The following DST variants were observed in gnomAD, a reference collection of about 807,000 sequenced individuals.
DST encodes the protein dystonin, also known as bullous pemphigoid antigen.
In DST, 253 loss-of-function variants were observed where a neutral mutation model predicts 875.2. The ratio of observed to expected loss-of-function variants is 0.29; its 90% CI spans 0.26 to 0.32. The LOEUF (loss-of-function observed/expected upper bound fraction) is 0.32, where lower values mean the gene tolerates loss of function less well. Among genes scored for constraint, DST ranks in the 10% least tolerant of loss-of-function variants. The pLI is 1.00. For missense variants in DST, 8,287 were observed against 9,111.6 expected, an observed-to-expected ratio of 0.91 and a Z score of 3.68; for synonymous variants, 3,124 against 3,197.1, an observed-to-expected ratio of 0.98 and a Z score of 0.77.
chr6:56,580,429 A>G (rs980359860), intron 49 of DST, among the ~76,000 whole-genome samples: 2 of 152,066 alleles, frequency 1.3e-5, no homozygotes, highest in Admixed American at 1.3e-4. Flanking sequence ...CTGTGCCTGT[A>G]GTCTCAATTA....
At chr6:56,535,069 T>G (rs978082967) in intron 63 of DST, 53 bp downstream of exon 63, 3 of 1,591,806 alleles carry the variant, frequency 1.9e-6, no homozygotes, top group Non-Finnish European at 2.6e-6. Flanking sequence ...GCATTTTTTC[T>G]CTTGTTATTA....
At chr6:56,485,588 G>C in intron 87 of DST, 117 bp from the exon 88 acceptor site, 1 of 954,388 alleles carries the variant, frequency 1.0e-6, no homozygotes, top group Non-Finnish European at 1.5e-6. Context: ...GCAGTATGTT[G>C]GTATTCATTG....
chr6:56,850,097 C>T (rs1333234268), intron 4 of DST, among the ~76,000 whole-genome samples: 1 of 152,312 alleles, frequency 6.6e-6, no homozygotes, highest in South Asian at 2.1e-4. Flanking sequence ...TCCAAGTCTA[C>T]CCCTGCTCAC....
intron 102 of DST, chr6:56,461,348 A>G (rs759981181): frequency 6.6e-6 from 1 of 152,234 alleles, no homozygotes; most frequent in Non-Finnish European, 1.5e-5. Flanking sequence ...TCACCTAATC[A>G]TAACCTTGAA....
chr6:56,710,704 C>T (rs2099359881), intron 5 of DST, among the ~76,000 whole-genome samples: 1 of 152,150 alleles, frequency 6.6e-6, no homozygotes, highest in Non-Finnish European at 1.5e-5. Context: ...TCTTAGGTAG[C>T]TGCCTTATCT....
intron 4 of DST, among the ~76,000 whole-genome samples, chr6:56,836,686 T>C (rs969463863): frequency 2.0e-5 from 3 of 151,098 alleles, no homozygotes; most frequent in Non-Finnish European, 4.4e-5. Flanking sequence ...CCGTCTCTAC[T>C]AAAAATACAA....
At chr6:56,761,598 T>C (rs2099617293) in intron 4 of DST, among the ~76,000 whole-genome samples, 1 of 152,142 alleles carries the variant, frequency 6.6e-6, no homozygotes, top group African/African-American at 2.4e-5. Flanking sequence ...CTTCTCAACA[T>C]TAAAATCATT....
At chr6:56,508,017 T>G (rs994803290) in intron 75 of DST, among the ~76,000 whole-genome samples, 3 of 152,030 alleles carry the variant, frequency 2.0e-5, no homozygotes, top group Admixed American at 6.6e-5. Context: ...AGAGAAATTT[T>G]TTGTTGTTGT....
chr6:56,763,710 C>T (rs1052187631), intron 4 of DST, among the ~76,000 whole-genome samples: 2 of 148,956 alleles, frequency 1.3e-5, no homozygotes, highest in Non-Finnish European at 3.0e-5. Context: ...CACACACACA[C>T]ACACACACAC....
chr6:56,602,926 C>T lies in DST; in HGVS notation c.11263G>A (p.Val3755Ile), dbSNP rs745436993. ...TTCTTTACATACTCAGAATCTTGAA[C>T]ATTCACAATCTCAATATCCTTCACA... ...KSVKDIEIVNVQDSEYVKKRL... is the reference protein window; with the variant it reads ...KSVKDIEIVNIQDSEYVKKRL... The change falls in exon 43 of 104, where the codon GTT becomes ATT. Residue 3755 changes from valine (V) to isoleucine (I), a missense_variant. Val to Ile is a conservative substitution (Grantham distance 29). This residue lies in a region of DST where 3,138 missense variants were observed against 3,116.6 expected (regional missense o/e 1.01). Coordinates refer to ENST00000680361, the MANE Select transcript of DST (RefSeq NM_001374736.1). 8 of 1,576,510 alleles carry T rather than the reference C, an allele frequency of 5.1e-6. No homozygotes were observed. Among genetic ancestry groups the T allele is most frequent in the East Asian group, 2.3e-5 (1 of 44,124 alleles).
chr6:56,779,882 C>A (rs1486462430), intron 4 of DST, among the ~76,000 whole-genome samples: 5 of 118,670 alleles, frequency 4.2e-5, no homozygotes, highest in African/African-American at 1.3e-4. Context: ...CCCCTCCCCC[C>A]ACCCCATAAC....
intron 4 of DST, among the ~76,000 whole-genome samples, chr6:56,823,245 T>G (rs1591196493): frequency 1.3e-5 from 2 of 152,210 alleles, no homozygotes; most frequent in East Asian, 3.8e-4. Context: ...ACTCCTATTC[T>G]GAGCCTCCCC....
At chr6:56,820,718 ATACT>A (rs2099772114) in intron 4 of DST, among the ~76,000 whole-genome samples, 1 of 152,178 alleles carries the variant, frequency 6.6e-6, no homozygotes, top group African/African-American at 2.4e-5. Context: ...TGGTTGCCAA[ATACT>A]TACCAGTACA....
chr6:56,641,983 T>C lies in DST; in HGVS notation c.1991A>G (p.Asp664Gly). Residue 664 changes from aspartate (D) to glycine (G), a missense_variant, in exon 17 of 104, where the codon GAT becomes GGT. Physicochemically the swap from Asp to Gly is moderately conservative, Grantham distance 94. Transcript: ENST00000680361. ...QHVIDVQILIDGKYYQADQLV... is the reference protein window; with the variant it reads ...QHVIDVQILIGGKYYQADQLV... The stretch of plus-strand genomic sequence containing the variant: ...TTGATCTGCCTGGTAGTATTTTCCA[T>C]CAATAAGAATCTGTACATCAATTAC... 6.2e-7 allele frequency: 1 copy of C among 1,613,520 alleles called. No individual in the cohort carries two copies. Among genetic ancestry groups the C allele is most frequent in the Non-Finnish European group, 8.5e-7 (1 of 1,179,686 alleles).
intron 10 of DST, among the ~76,000 whole-genome samples, chr6:56,667,694 A>C (rs566964468): frequency 6.6e-6 from 1 of 152,174 alleles, no homozygotes; most frequent in African/African-American, 2.4e-5. Context: ...CAAATAATTC[A>C]AAGACTCAAA....
Position 56,629,317 on chromosome 6 carries a change from A to G in DST, c.4408T>C (p.Trp1470Arg). Residue 1470 changes from tryptophan to arginine, a missense_variant, in exon 32 of 104, where the codon TGG becomes CGG. Physicochemically the swap from Trp to Arg is moderately radical, Grantham distance 101. This residue lies in a region of DST where 3,138 missense variants were observed against 3,116.6 expected (regional missense o/e 1.01). Coordinates refer to ENST00000680361, the MANE Select transcript of DST (RefSeq NM_001374736.1). ...AATTGATCTGCTTTTTCTTTGTGCCAGTCAAAATCAAGGTCCCGTTCTTTA... is the reference window on the plus strand; with the variant it reads ...AATTGATCTGCTTTTTCTTTGTGCCGGTCAAAATCAAGGTCCCGTTCTTTA... ...TYKERDLDFD[W>R]HKEKADQLVE... 2 of 1,613,744 alleles carry G rather than the reference A, an allele frequency of 1.2e-6. No individual in the cohort carries two copies. Among genetic ancestry groups the G allele is most frequent in the Non-Finnish European group, 1.7e-6 (2 of 1,179,776 alleles).
chr6:56,620,453 T>C (rs765308947), intron 36 of DST: 9 of 1,614,218 alleles, frequency 5.6e-6, no homozygotes, highest in South Asian at 3.3e-5. Context: ...GCGGTACTGC[T>C]TGGCTTCACT....
intron 4 of DST, among the ~76,000 whole-genome samples, chr6:56,823,792 G>A (rs1458229348): frequency 6.6e-6 from 1 of 152,022 alleles, no homozygotes; most frequent in Non-Finnish European, 1.5e-5. Flanking sequence ...AATTAGTGAA[G>A]GTAGTGTACT....
chr6:56,585,962 G>C (rs1279840213), intron 49 of DST, among the ~76,000 whole-genome samples: 2 of 145,650 alleles, frequency 1.4e-5, no homozygotes, highest in South Asian at 2.2e-4. Flanking sequence ...CTGAGAGACA[G>C]TTTGTTATAA....
Sources: gnomAD v4.1 joint callset for allele counts (sites outside exome capture counted in the v4.1 genomes callset) on GRCh38, gnomAD v4.1.1 for gene constraint, gnomAD v4.1.1 regional missense constraint, MANE v1.5 for transcripts, NCBI Gene and HGNC (gene_info 2026-07-23, HGNC 2026-07-21) for gene names.